The following CHD1 variants were observed in gnomAD, a reference collection of about 807,000 sequenced individuals.
CHD1 encodes chromodomain helicase DNA binding protein 1.
CHD1 carries 36 observed loss-of-function variants against 224.2 expected under a neutral mutation model. That is an observed-to-expected ratio of 0.16 (90% CI 0.12 to 0.21). The LOEUF (loss-of-function observed/expected upper bound fraction) is 0.21, where lower values mean the gene tolerates loss of function less well. Among genes scored for constraint, CHD1 ranks in the 10% least tolerant of loss-of-function variants. The pLI is 1.00. For synonymous variants in CHD1, 668 were observed against 658.3 expected, an observed-to-expected ratio of 1.01 and a Z score of -0.23; for missense variants, 1,378 against 1,994.8, an observed-to-expected ratio of 0.69 and a Z score of 5.89.
intron 25 of CHD1, among the ~76,000 whole-genome samples, chr5:98,874,632 A>C (rs1490282606): frequency 6.6e-6 from 1 of 151,532 alleles, no homozygotes; most frequent in Non-Finnish European, 1.5e-5. Context: ...GGATCACATG[A>C]ACCCATGAGG....
chr5:98,897,104 T>A, intron 11 of CHD1, 89 bp downstream of exon 11: 1 of 1,287,862 alleles, frequency 7.8e-7, no homozygotes, highest in South Asian at 1.3e-5. Context: ...AAGAGTCTTA[T>A]TCTTTATGTA....
chr5:98,892,828 A>G (rs949426423), intron 14 of CHD1, 115 bp from the exon 15 acceptor site: 35 of 556,620 alleles, frequency 6.3e-5, no homozygotes, highest in Admixed American at 1.4e-4. Flanking sequence ...AGATTTTTAG[A>G]AAAAAAAATT....
At chr5:98,928,248 T>G (rs913479446) in intron 1 of CHD1, among the ~76,000 whole-genome samples, 3 of 151,516 alleles carry the variant, frequency 2.0e-5, no homozygotes, top group Middle Eastern at 3.4e-3. Flanking sequence ...ACCGGCTAAG[T>G]GCTAGCCATT....
intron 10 of CHD1, 30 bp from the exon 11 acceptor site, chr5:98,897,350 A>C (rs755170992): frequency 2.1e-6 from 3 of 1,450,314 alleles, no homozygotes; most frequent in Non-Finnish European, 2.8e-6. Context: ...TATTATGTAG[A>C]GTTATTAAAT....
At chr5:98,872,227 A>G (rs1036137427) in intron 27 of CHD1, 26 bp from the exon 28 acceptor site, 6 of 1,590,604 alleles carry the variant, frequency 3.8e-6, no homozygotes, top group South Asian at 2.3e-5. Flanking sequence ...ATAACTAATG[A>G]TAAGTTTGTA....
At chr5:98,866,509 C>T (rs1748880844) in intron 31 of CHD1, among the ~76,000 whole-genome samples, 1 of 152,030 alleles carries the variant, frequency 6.6e-6, no homozygotes, top group African/African-American at 2.4e-5. Context: ...TCTAGAAGGA[C>T]ATAATGGGTT....
At chr5:98,902,778 A>G in intron 5 of CHD1, 122 bp downstream of exon 5, 1 of 582,678 alleles carries the variant, frequency 1.7e-6, no homozygotes, top group East Asian at 2.9e-5. Flanking sequence ...TTAACTTCAT[A>G]AAATGCCATG....
chr5:98,864,449 G>A (rs983172350), intron 31 of CHD1, among the ~76,000 whole-genome samples: 1 of 150,346 alleles, frequency 6.7e-6, no homozygotes, highest in Non-Finnish European at 1.5e-5. Flanking sequence ...GGAGGCTGAG[G>A]CGGGAGGATC....
chr5:98,911,129 T>C (rs1432411900), intron 2 of CHD1, among the ~76,000 whole-genome samples: 4 of 6,466 alleles, frequency 6.2e-4, no homozygotes, highest in African/African-American at 1.2e-3. Flanking sequence ...TGTGCTAAAA[T>C]GAAAAAAAAA....
chr5:98,867,177 T>C (rs995601343), intron 31 of CHD1, among the ~76,000 whole-genome samples: 1 of 152,140 alleles, frequency 6.6e-6, no homozygotes. Flanking sequence ...GAGTAAATTA[T>C]AAATAAATAC....
At chr5:98,894,296 A>G (rs1751208982) in intron 13 of CHD1, among the ~76,000 whole-genome samples, 2 of 152,248 alleles carry the variant, frequency 1.3e-5, no homozygotes, top group African/African-American at 4.8e-5. Context: ...TACACACTAT[A>G]ACAAACTGGT....
intron 31 of CHD1, among the ~76,000 whole-genome samples, 164 bp downstream of exon 31, chr5:98,868,331 G>GAAAAAAAA (rs58475767): frequency 6.5e-5 from 6 of 91,670 alleles, no homozygotes; most frequent in Non-Finnish European, 9.1e-5. Flanking sequence ...ACTCAAAAAA[G>GAAAAAAAA]AAAAAAAAAA....
intron 18 of CHD1, 59 bp downstream of exon 18, chr5:98,885,519 A>G: frequency 9.8e-7 from 1 of 1,017,344 alleles, no homozygotes; most frequent in East Asian, 2.6e-5. Context: ...GAATATAATA[A>G]TGTAATATAC....
At chr5:98,925,228 C>T (rs1183216077) in intron 2 of CHD1, among the ~76,000 whole-genome samples, 2 of 152,144 alleles carry the variant, frequency 1.3e-5, no homozygotes, top group Non-Finnish European at 2.9e-5. Context: ...AAGCCCTTTA[C>T]ATGAAGCATC....
At chr5:98,916,100 G>A (rs367961162) in intron 2 of CHD1, among the ~76,000 whole-genome samples, 4 of 152,112 alleles carry the variant, frequency 2.6e-5, no homozygotes, top group Non-Finnish European at 5.9e-5. Context: ...GCTGAGGCAC[G>A]AGAATCGCTT....
At chr5:98,904,083 T>A (rs1447251282) in intron 3 of CHD1, among the ~76,000 whole-genome samples, 175 bp from the exon 4 acceptor site, 1 of 152,114 alleles carries the variant, frequency 6.6e-6, no homozygotes, top group Non-Finnish European at 1.5e-5. Flanking sequence ...AATGCTGAGC[T>A]CTAGTTATGT....
Position 98,869,822 on chromosome 5 carries a change from C to T in CHD1, c.4039G>A (p.Val1347Met), listed in dbSNP as rs757223796. The part of the protein sequence containing the change: ...KKNKAMKSIK[V>M]KEEIKSDSSP... ...GAATCACTCTTTATTTCCTCTTTCA[C>T]TTTTATAGACTTCATTGCTTTATTC... The change falls in exon 30 of 36, where the codon GTG becomes ATG. Residue 1347 changes from valine to methionine, a missense_variant. By Grantham distance (21) the Val-to-Met change is conservative. Coordinates refer to ENST00000614616, the MANE Select transcript of CHD1 (RefSeq NM_001270.4). 4 of 1,610,594 alleles carry T rather than the reference C, an allele frequency of 2.5e-6. No individual in the cohort carries two copies. The highest frequency in any genetic ancestry group is 2.2e-5 in the South Asian group (2 of 90,972).
At chr5:98,867,634 A>C (rs539221821) in intron 31 of CHD1, among the ~76,000 whole-genome samples, 3 of 152,262 alleles carry the variant, frequency 2.0e-5, no homozygotes, top group Admixed American at 2.0e-4. Context: ...AGCTGGAGGA[A>C]AACAAATTCA....
chr5:98,926,592 G>T, intron 1 of CHD1, 58 bp from the exon 2 acceptor site: 1 of 365,900 alleles, frequency 2.7e-6, no homozygotes, highest in Non-Finnish European at 4.8e-6. Flanking sequence ...GGTAAATTAA[G>T]CCCTGTCTAA....
Sources: allele counts gnomAD v4.1 joint callset (sites outside exome capture counted in the v4.1 genomes callset), GRCh38; gene constraint gnomAD v4.1.1; transcripts MANE v1.5; gene names NCBI Gene and HGNC (gene_info 2026-07-23, HGNC 2026-07-21).